Variants in SORCS2 observed in about 807,000 individuals in gnomAD.
SORCS2 encodes VPS10 domain-containing receptor SorCS2.
SORCS2 carries 100 observed loss-of-function variants against 141.6 expected under a neutral mutation model. The ratio of observed to expected loss-of-function variants is 0.71; its 90% CI spans 0.60 to 0.83. The LOEUF (loss-of-function observed/expected upper bound fraction) is 0.83. Ranked by LOEUF, SORCS2 falls within the 40% of genes least tolerant of loss-of-function variation. The pLI is 0.00. For synonymous variants in SORCS2, 789 were observed against 676.9 expected (o/e 1.17, Z -2.57); for missense variants, 1,646 against 1,560.2 (o/e 1.05, Z -0.93).
intron 2 of SORCS2, among the ~76,000 whole-genome samples, chr4:7,492,548 C>G (rs114752787): frequency 2.6e-5 from 4 of 152,172 alleles, no homozygotes; most frequent in Non-Finnish European, 5.9e-5. Flanking sequence ...GATTTTATTT[C>G]CTTTTGCTAT....
intron 3 of SORCS2, among the ~76,000 whole-genome samples, chr4:7,536,565 G>A (rs1015814447): frequency 1.3e-5 from 2 of 152,138 alleles, no homozygotes; most frequent in Non-Finnish European, 2.9e-5. Flanking sequence ...CATGACTGTG[G>A]GGCAGAGGTC....
chr4:7,361,548 G>GCC (rs75939882), intron 1 of SORCS2, among the ~76,000 whole-genome samples: 2 of 151,988 alleles, frequency 1.3e-5, no homozygotes, highest in African/African-American at 4.8e-5. Flanking sequence ...GCAGCTGCAG[G>GCC]CCCCCTGCCT....
At chr4:7,403,724 T>G (rs963583725) in intron 2 of SORCS2, among the ~76,000 whole-genome samples, 6 of 151,570 alleles carry the variant, frequency 4.0e-5, no homozygotes, top group African/African-American at 1.2e-4. Flanking sequence ...TTTAATTCCA[T>G]AATCTTTAAT....
intron 13 of SORCS2, 50 bp downstream of exon 13, chr4:7,703,421 T>C (rs1051188630): frequency 6.7e-7 from 1 of 1,494,092 alleles, no homozygotes; most frequent in Non-Finnish European, 9.2e-7. Context: ...TGGGGCTCTT[T>C]CTTTCCACCT....
At chr4:7,359,392 C>T (rs1378895107) in intron 1 of SORCS2, among the ~76,000 whole-genome samples, 2 of 152,190 alleles carry the variant, frequency 1.3e-5, no homozygotes, top group African/African-American at 4.8e-5. Flanking sequence ...TCTGGGCCTC[C>T]CAAAGTGCTG....
intron 1 of SORCS2, among the ~76,000 whole-genome samples, chr4:7,223,763 TG>T (rs1450437574): frequency 1.3e-5 from 2 of 152,168 alleles, no homozygotes; most frequent in Non-Finnish European, 2.9e-5. Context: ...GAAGGGCATC[TG>T]GGAAGATGCC....
At chr4:7,683,130 C>T (rs1484278951) in intron 10 of SORCS2, among the ~76,000 whole-genome samples, 2 of 152,208 alleles carry the variant, frequency 1.3e-5, no homozygotes, top group Admixed American at 1.3e-4. Context: ...TGCAATAAAC[C>T]ACCCAAAACA....
chr4:7,493,951 T>C (rs1036891636), intron 2 of SORCS2, among the ~76,000 whole-genome samples: 1 of 152,296 alleles, frequency 6.6e-6, no homozygotes, highest in Non-Finnish European at 1.5e-5. Context: ...TTCCATCTGG[T>C]GCATTATGTT....
intron 2 of SORCS2, among the ~76,000 whole-genome samples, chr4:7,444,981 T>G (rs1727896420): frequency 6.6e-6 from 1 of 150,738 alleles, no homozygotes; most frequent in Non-Finnish European, 1.5e-5. Flanking sequence ...GGGCTGTGGT[T>G]GCAACACCCA....
intron 3 of SORCS2, among the ~76,000 whole-genome samples, chr4:7,579,484 C>T (rs765589391): frequency 6.6e-6 from 1 of 152,118 alleles, no homozygotes; most frequent in Non-Finnish European, 1.5e-5. Context: ...CCCCAAGATT[C>T]CATGGCCATC....
chr4:7,615,959 G>A (rs1718730765), intron 3 of SORCS2, among the ~76,000 whole-genome samples: 1 of 152,124 alleles, frequency 6.6e-6, no homozygotes, highest in South Asian at 2.1e-4. Flanking sequence ...CACAAATATT[G>A]CATACTTATA....
chr4:7,321,042 T>A (rs988914923), intron 1 of SORCS2, among the ~76,000 whole-genome samples: 12 of 152,114 alleles, frequency 7.9e-5, no homozygotes, highest in Non-Finnish European at 1.3e-4. Context: ...ACCCCTCACC[T>A]GAGCAGTGGA....
At chr4:7,514,146 A>G (rs529563789) in intron 2 of SORCS2, among the ~76,000 whole-genome samples, 5 of 152,286 alleles carry the variant, frequency 3.3e-5, no homozygotes, top group Middle Eastern at 3.4e-3. Context: ...TGGAGCCGAC[A>G]GCTCCATGGC....
At chr4:7,325,360 C>T (rs1251274894) in intron 1 of SORCS2, among the ~76,000 whole-genome samples, 1 of 152,144 alleles carries the variant, frequency 6.6e-6, no homozygotes, top group Non-Finnish European at 1.5e-5. Context: ...CAAAAACCTA[C>T]CTCCCGTGGT....
intron 3 of SORCS2, among the ~76,000 whole-genome samples, chr4:7,543,647 TCCATCCATCCAC>T (rs1712910540): frequency 9.2e-6 from 1 of 108,740 alleles, no homozygotes; most frequent in Non-Finnish European, 2.0e-5. Context: ...CGTCCATCCG[TCCATCCATCCAC>T]CCACCCATCC....
chr4:7,222,100 T>C (rs1448694757), intron 1 of SORCS2, among the ~76,000 whole-genome samples: 2 of 151,990 alleles, frequency 1.3e-5, no homozygotes, highest in African/African-American at 2.4e-5. Context: ...CCTCAGATGA[T>C]GGAATGAACT....
At chr4:7,682,401 TG>T (rs1267414248) in intron 9 of SORCS2, among the ~76,000 whole-genome samples, 1 of 152,058 alleles carries the variant, frequency 6.6e-6, no homozygotes, top group Non-Finnish European at 1.5e-5. Context: ...GAGGCAAGGA[TG>T]GGGTGACTCT....
chr4:7,411,473 A>C (rs181914484), intron 2 of SORCS2, among the ~76,000 whole-genome samples: 1 of 148,844 alleles, frequency 6.7e-6, no homozygotes, highest in African/African-American at 2.5e-5. Flanking sequence ...CCATTCCTCT[A>C]TCTTCTCTCC....
At position 7,281,825 on chromosome 4, in the gene SORCS2, G is replaced by A. The variant is rs187504839; in HGVS notation, c.480+88699G>A. Among the ~76,000 whole-genome samples the A allele has an allele frequency of 8.3e-4, 127 of 152,306 alleles. 1 individual carries two copies. The highest frequency in any genetic ancestry group is 6.8e-3 in the Middle Eastern group (2 of 294). ...CCGGGGCCTCTGAAGTTTCAGTGCC[G>A]TCTGTGGGTGGGGGCTGGGTTCCTT... On this transcript the variant is annotated intron_variant, in intron 1 of 26. Coordinates refer to ENST00000507866, the MANE Select transcript of SORCS2 (RefSeq NM_020777.3).
Sources: allele counts gnomAD v4.1 joint callset (sites outside exome capture counted in the v4.1 genomes callset), GRCh38; gene constraint gnomAD v4.1.1; transcripts MANE v1.5; gene names NCBI Gene and HGNC (gene_info 2026-07-23, HGNC 2026-07-21).